GPC5: variants seen among roughly 807,000 people sequenced by gnomAD.
GPC5 encodes glypican 5.
Under a neutral mutation model 53.9 loss-of-function variants are expected in GPC5, and 47 were observed. The ratio of observed to expected loss-of-function variants is 0.87; its 90% confidence interval spans 0.69 to 1.11. The LOEUF is 1.11. Ranked by LOEUF, GPC5 falls within the 50% of genes most tolerant of loss-of-function variation. GPC5 has a pLI of 0.00. For missense variants in GPC5, 748 were observed against 713.1 expected (o/e 1.05, Z -0.56); for synonymous variants, 286 against 263.3 (o/e 1.09, Z -0.84).
intron 2 of GPC5, among the ~76,000 whole-genome samples, chr13:91,649,377 A>G (rs1272890182): frequency 2.0e-5 from 3 of 152,174 alleles, no homozygotes; most frequent in Non-Finnish European, 4.4e-5. Flanking sequence ...CATCTTTAAA[A>G]TGGAGTAATA....
chr13:91,845,544 C>G (rs1484010588), intron 5 of GPC5, among the ~76,000 whole-genome samples: 1 of 152,090 alleles, frequency 6.6e-6, no homozygotes, highest in Non-Finnish European at 1.5e-5. Context: ...GTATTATTAA[C>G]TATAATCCAC....
At chr13:92,663,639 CACTATATATATACTATATATATAT>C (rs957701501) in intron 7 of GPC5, among the ~76,000 whole-genome samples, 7 of 111,372 alleles carry the variant, frequency 6.3e-5, no homozygotes, top group South Asian at 3.3e-4. Context: ...TATATATACA[CACTATATATATACTATATATATAT>C]ACTATATATA....
intron 2 of GPC5, among the ~76,000 whole-genome samples, chr13:91,603,814 GATCT>G (rs986682560): frequency 5.3e-5 from 8 of 151,946 alleles, no homozygotes; most frequent in African/African-American, 1.2e-4. Flanking sequence ...CATAGATAAA[GATCT>G]ATCTATCTGT....
intron 7 of GPC5, among the ~76,000 whole-genome samples, chr13:92,671,852 A>G (rs1203307250): frequency 6.6e-6 from 1 of 152,200 alleles, no homozygotes; most frequent in Non-Finnish European, 1.5e-5. Flanking sequence ...AAGGATAAAT[A>G]AACTGTTCTG....
At chr13:91,986,310 C>T (rs975563421) in intron 6 of GPC5, among the ~76,000 whole-genome samples, 4 of 152,040 alleles carry the variant, frequency 2.6e-5, no homozygotes, top group Admixed American at 6.6e-5. Flanking sequence ...CGTGATCCAC[C>T]CGCCTCGGCC....
At chr13:91,770,984 A>C (rs1432976605) in intron 5 of GPC5, among the ~76,000 whole-genome samples, 1 of 152,182 alleles carries the variant, frequency 6.6e-6, no homozygotes, top group African/African-American at 2.4e-5. Context: ...TTATCTGGAA[A>C]ATATAAATCT....
intron 6 of GPC5, among the ~76,000 whole-genome samples, chr13:92,064,225 G>A (rs753134902): frequency 7.2e-5 from 11 of 152,128 alleles, no homozygotes; most frequent in Non-Finnish European, 1.3e-4. Context: ...AATATATTAG[G>A]CTATTAATAA....
chr13:91,435,331 A>G (rs533729820), intron 1 of GPC5, among the ~76,000 whole-genome samples: 1 of 152,258 alleles, frequency 6.6e-6, no homozygotes, highest in Admixed American at 6.5e-5. Context: ...GTTGTCATAG[A>G]TAGCTGTTAT....
intron 2 of GPC5, among the ~76,000 whole-genome samples, chr13:91,643,460 C>T (rs1209741010): frequency 6.6e-6 from 1 of 152,076 alleles, no homozygotes; most frequent in Non-Finnish European, 1.5e-5. Context: ...ACTTTGGGCC[C>T]TTTGTATGAC....
At chr13:91,483,785 A>C (rs1883434997) in intron 2 of GPC5, among the ~76,000 whole-genome samples, 2 of 152,370 alleles carry the variant, frequency 1.3e-5, no homozygotes, top group South Asian at 4.1e-4. Context: ...AATTTAAGCA[A>C]AATGATGTAT....
At chr13:92,783,170 G>A (rs1158326462) in intron 7 of GPC5, among the ~76,000 whole-genome samples, 1 of 151,922 alleles carries the variant, frequency 6.6e-6, no homozygotes, top group Non-Finnish European at 1.5e-5. Context: ...TTTTCCAACT[G>A]GTAAACCAAC....
At position 91,798,224 on chromosome 13, in the gene GPC5, G is replaced by T. The variant is rs193037991; in HGVS notation, c.1280+41804G>T. Among the ~76,000 whole-genome samples, 106 of 152,214 alleles carry T rather than the reference G, an allele frequency of 7.0e-4. 1 individual carries two copies. The highest frequency in any genetic ancestry group is 2.5e-3 in the African/African-American group (103 of 41,528). Reference sequence around the variant, plus strand: ...GTTCTGGGGCACATGTGTAGGAAGCGCAGGTTTGTTACATAGGTAAACGTG... The same window carrying T: ...GTTCTGGGGCACATGTGTAGGAAGCTCAGGTTTGTTACATAGGTAAACGTG... On this transcript the variant is annotated intron_variant, in intron 5 of 7. Transcript: ENST00000377067.
intron 2 of GPC5, among the ~76,000 whole-genome samples, chr13:91,515,819 G>A (rs1421252180): frequency 1.3e-5 from 2 of 152,114 alleles, no homozygotes; most frequent in Non-Finnish European, 2.9e-5. Flanking sequence ...ACATACCCAA[G>A]CCTGAGAAGA....
At chr13:91,787,282 AG>A (rs1352981982) in intron 5 of GPC5, among the ~76,000 whole-genome samples, 2 of 152,126 alleles carry the variant, frequency 1.3e-5, no homozygotes, top group Non-Finnish European at 2.9e-5. Context: ...TTTGATTTTA[AG>A]GGGAAGTCAT....
intron 7 of GPC5, among the ~76,000 whole-genome samples, chr13:92,727,646 A>G (rs1268811574): frequency 6.6e-6 from 1 of 151,252 alleles, no homozygotes; most frequent in Non-Finnish European, 1.5e-5. Flanking sequence ...ATGCATTCTC[A>G]ATTCAGTAGA....
At chr13:92,665,082 G>A (rs1046302446) in intron 7 of GPC5, among the ~76,000 whole-genome samples, 14 of 152,024 alleles carry the variant, frequency 9.2e-5, no homozygotes, top group Admixed American at 2.6e-4. Flanking sequence ...ATAGATACAC[G>A]GAAAATTTCT....
At chr13:92,330,882 CTCT>C (rs1309601456) in intron 7 of GPC5, among the ~76,000 whole-genome samples, 5 of 152,156 alleles carry the variant, frequency 3.3e-5, no homozygotes, top group African/African-American at 1.2e-4. Flanking sequence ...TTGCTCTTTC[CTCT>C]TCTTCTGCTT....
chr13:91,517,082 C>T (rs1311592836), intron 2 of GPC5, among the ~76,000 whole-genome samples: 2 of 152,172 alleles, frequency 1.3e-5, no homozygotes, highest in African/African-American at 4.8e-5. Context: ...GAGTCTCTGA[C>T]ATGGCCTGGA....
At chr13:92,819,692 G>A (rs559100920) in intron 7 of GPC5, among the ~76,000 whole-genome samples, 1 of 152,168 alleles carries the variant, frequency 6.6e-6, no homozygotes, top group Non-Finnish European at 1.5e-5. Flanking sequence ...CCTGGGGTAG[G>A]TATGTGTTGG....
Sources: gnomAD v4.1 joint callset for allele counts (sites outside exome capture counted in the v4.1 genomes callset) on GRCh38, gnomAD v4.1.1 for gene constraint, MANE v1.5 for transcripts, NCBI Gene and HGNC (gene_info 2026-07-23, HGNC 2026-07-21) for gene names.